SUGCT: variants seen among roughly 807,000 people sequenced by gnomAD.
SUGCT encodes the protein succinyl-CoA:glutarate-CoA transferase.
In SUGCT, 41 loss-of-function variants were observed where a neutral mutation model predicts 55.0. The observed-to-expected ratio is 0.74, with a 90% confidence interval of 0.58 to 0.97. The LOEUF is 0.97. SUGCT is among the 50% of genes least tolerant of loss of function. The pLI is 0.00. For missense variants in SUGCT, 568 were observed against 547.8 expected, an observed-to-expected ratio of 1.04 and a Z score of -0.37; for synonymous variants, 187 against 200.4, an observed-to-expected ratio of 0.93 and a Z score of 0.56.
chr7:40,840,178 C>T (rs887804184), intron 13 of SUGCT, among the ~76,000 whole-genome samples: 11 of 151,992 alleles, frequency 7.2e-5, no homozygotes, highest in Admixed American at 2.6e-4. Flanking sequence ...GAGTAGGGCT[C>T]GTTATCTAAA....
At chr7:40,800,689 T>C (rs1790773426) in intron 13 of SUGCT, among the ~76,000 whole-genome samples, 1 of 152,088 alleles carries the variant, frequency 6.6e-6, no homozygotes, top group African/African-American at 2.4e-5. Context: ...TCAAGTTGCT[T>C]TATTTCTTTG....
At chr7:40,301,269 C>G (rs1794521608) in intron 8 of SUGCT, among the ~76,000 whole-genome samples, 1 of 152,156 alleles carries the variant, frequency 6.6e-6, no homozygotes, top group Non-Finnish European at 1.5e-5. Flanking sequence ...TGAATGAAAA[C>G]AATGTGCATA....
At chr7:40,725,907 GA>G (rs1209242577) in intron 12 of SUGCT, among the ~76,000 whole-genome samples, 4 of 151,900 alleles carry the variant, frequency 2.6e-5, no homozygotes, top group Non-Finnish European at 5.9e-5. Context: ...AGTGAGTAAA[GA>G]ACTTTATAGA....
At position 40,348,157 on chromosome 7, in the gene SUGCT, A is replaced by G. The variant is rs1475851760; in HGVS notation, c.816+31302A>G. ...GCAGCTAGCGCTGGAGCCCACCCCC[A>G]CTTACAGACTGGGGTAATTATAGGT... On this transcript the variant is annotated intron_variant, in intron 9 of 13. Transcript: ENST00000335693. Among the ~76,000 whole-genome samples the G allele has an allele frequency of 3.9e-5, 6 of 152,224 alleles. No homozygotes were observed. In the East Asian group the frequency reaches 1.2e-3, roughly 29 times the overall value.
the SUGCT span, among the ~76,000 whole-genome samples, chr7:40,959,371 G>C: frequency 2.0e-5 from 3 of 152,202 alleles, no homozygotes; most frequent in Admixed American, 2.0e-4. Context: ...CTGCCTAGAG[G>C]GGAGGAATCT....
the SUGCT span, among the ~76,000 whole-genome samples, chr7:40,990,637 T>A: frequency 1.3e-5 from 2 of 152,242 alleles, no homozygotes; most frequent in African/African-American, 4.8e-5. Flanking sequence ...CTAGATGGCA[T>A]CTTCTTCCAA....
chr7:40,579,852 T>C (rs988879827), intron 12 of SUGCT, among the ~76,000 whole-genome samples: 2 of 152,182 alleles, frequency 1.3e-5, no homozygotes, highest in Non-Finnish European at 2.9e-5. Flanking sequence ...GAGTCCCACC[T>C]GGAGCAGAGT....
intron 13 of SUGCT, among the ~76,000 whole-genome samples, chr7:40,846,511 G>A (rs1171217855): frequency 6.6e-6 from 1 of 152,112 alleles, no homozygotes; most frequent in Non-Finnish European, 1.5e-5. Context: ...TTCCTTATGG[G>A]CCATATATTT....
At chr7:40,787,262 G>C (rs182288459) in intron 13 of SUGCT, among the ~76,000 whole-genome samples, 97 of 152,228 alleles carry the variant, frequency 6.4e-4, no homozygotes, top group African/African-American at 2.2e-3. Flanking sequence ...GAGAGTTAGG[G>C]CTTCAGGGCC....
chr7:40,434,209 C>T (rs1427401964), intron 9 of SUGCT, among the ~76,000 whole-genome samples: 1 of 152,128 alleles, frequency 6.6e-6, no homozygotes, highest in Non-Finnish European at 1.5e-5. Context: ...TGACCTTAAT[C>T]ATGGTAGATG....
intron 13 of SUGCT, among the ~76,000 whole-genome samples, chr7:40,825,291 C>T (rs1466985266): frequency 6.6e-6 from 1 of 152,156 alleles, no homozygotes; most frequent in African/African-American, 2.4e-5. Flanking sequence ...GTCTGTGACA[C>T]ATGGTAGTAC....
At chr7:40,915,398 G>A in the SUGCT span, among the ~76,000 whole-genome samples, 1 of 152,136 alleles carries the variant, frequency 6.6e-6, no homozygotes, top group East Asian at 1.9e-4. Context: ...GACCTCAAAT[G>A]TTCCTAAAGG....
intron 12 of SUGCT, among the ~76,000 whole-genome samples, chr7:40,660,090 T>C (rs2151852765): frequency 6.6e-6 from 1 of 152,372 alleles, no homozygotes; most frequent in East Asian, 1.9e-4. Flanking sequence ...TTGAATGGCA[T>C]ATTCACCTTC....
intron 9 of SUGCT, among the ~76,000 whole-genome samples, chr7:40,399,937 T>C (rs1475014918): frequency 2.6e-5 from 4 of 152,074 alleles, no homozygotes; most frequent in Non-Finnish European, 5.9e-5. Flanking sequence ...TAATCCCAGC[T>C]ACTTGGGAGG....
chr7:40,353,019 A>G (rs1276486390), intron 9 of SUGCT, among the ~76,000 whole-genome samples: 2 of 152,058 alleles, frequency 1.3e-5, no homozygotes, highest in African/African-American at 4.8e-5. Context: ...ACATTTCTCT[A>G]ATGATTAGTG....
At chr7:40,943,961 T>G in the SUGCT span, among the ~76,000 whole-genome samples, 1 of 149,518 alleles carries the variant, frequency 6.7e-6, no homozygotes, top group African/African-American at 2.4e-5. Flanking sequence ...GACTTTTTAA[T>G]GATTGCCATT....
intron 7 of SUGCT, among the ~76,000 whole-genome samples, chr7:40,249,325 A>ATATCTATATATCTATATC (rs1562612058): frequency 8.5e-6 from 1 of 117,426 alleles, no homozygotes; most frequent in Non-Finnish European, 1.8e-5. Flanking sequence ...ATATATATAT[A>ATATCTATATATCTATATC]TATATATATA....
chr7:40,783,891 C>G (rs1789884233), intron 13 of SUGCT, among the ~76,000 whole-genome samples: 1 of 152,050 alleles, frequency 6.6e-6, no homozygotes. Flanking sequence ...TGGTTTATAC[C>G]CTTTAAACTC....
intron 6 of SUGCT, among the ~76,000 whole-genome samples, chr7:40,196,551 A>G (rs1167616491): frequency 6.6e-6 from 1 of 152,162 alleles, no homozygotes; most frequent in Non-Finnish European, 1.5e-5. Flanking sequence ...AGTTATTTCA[A>G]ACTGGTAGGT....
Sources: allele counts gnomAD v4.1 joint callset (sites outside exome capture counted in the v4.1 genomes callset), GRCh38; gene constraint gnomAD v4.1.1; transcripts MANE v1.5; gene names NCBI Gene and HGNC (gene_info 2026-07-23, HGNC 2026-07-21).